Variants in FGF3 observed in about 807,000 individuals in gnomAD.
FGF3 encodes fibroblast growth factor 3, also known as FGF-3.
FGF3 carries 7 observed loss-of-function variants against 9.8 expected under a neutral mutation model. The ratio of observed to expected loss-of-function variants is 0.72; its 90% CI spans 0.41 to 1.35. FGF3 has a LOEUF of 1.35. FGF3 is among the 40% of genes most tolerant of loss of function. The probability of loss-of-function intolerance (pLI) is 0.01; values close to 1 mark genes in which losing one functional copy is unlikely to be tolerated. For missense variants in FGF3, 390 were observed against 345.6 expected (o/e 1.13, Z -1.02); for synonymous variants, 173 against 157.2 (o/e 1.10, Z -0.75).
rs529742370 is a variant in FGF3, at chr11:69,810,033, C to T, written c.*272G>A. 8.9e-6 allele frequency: 4 copies of T among 449,592 alleles called. No individual in the cohort carries two copies. The East Asian group carries it at 1.4e-4, about 15-fold the overall frequency. The allele number at this position is 449,592 out of a possible 1,614,324, so 27.9% of individuals were successfully genotyped here. A position where few individuals can be genotyped will look rare whatever the true frequency, so the allele number is the denominator to read the frequency against. On this transcript the variant is annotated 3_prime_UTR_variant, in exon 3 of 3. Coordinates refer to ENST00000334134, the MANE Select transcript of FGF3 (RefSeq NM_005247.4). ...ACACTGCCCCGCTGCTCCTGGGAGG[C>T]TCCTCAGTCTGCCAGGGCTGGCACT...
intron 2 of FGF3, among the ~76,000 whole-genome samples, chr11:69,812,401 G>A (rs782695143): frequency 6.6e-6 from 1 of 152,102 alleles, no homozygotes; most frequent in Non-Finnish European, 1.5e-5. Context: ...TGACCTGGTG[G>A]TAGGGGCTGC....
At chr11:69,813,143 G>A (rs368595306) in intron 2 of FGF3, among the ~76,000 whole-genome samples, 3 of 152,290 alleles carry the variant, frequency 2.0e-5, no homozygotes, top group Middle Eastern at 3.4e-3. Flanking sequence ...GGAGGAAGCC[G>A]ACTCCGAAGC....
In FGF3 at chr11:69,810,204, A is replaced by T. The variant is rs1590961086; in HGVS notation, c.*101T>A. 1 of 1,158,748 alleles carries T rather than the reference A, an allele frequency of 8.6e-7. No individual in the cohort carries two copies. Among genetic ancestry groups the T allele is most frequent in the Non-Finnish European group, 1.2e-6 (1 of 840,400 alleles). 71.8% of individuals were successfully genotyped at this position (1,158,748 alleles called of 1,614,324 possible). On this transcript the variant is annotated 3_prime_UTR_variant, in exon 3 of 3. Transcript: ENST00000334134. ...GCTCTGGAAATAGCTGAGAACCCAG[A>T]CGCGGGACGCAGGGGCAAGGGCTCA...
chr11:69,814,853 T>G (rs1450244879), intron 2 of FGF3, among the ~76,000 whole-genome samples: 1 of 152,178 alleles, frequency 6.6e-6, no homozygotes, highest in African/African-American at 2.4e-5. Flanking sequence ...AAGCCCCAGG[T>G]GGGCTCTGAA....
At chr11:69,814,288 G>C (rs552212695) in intron 2 of FGF3, among the ~76,000 whole-genome samples, 1 of 152,046 alleles carries the variant, frequency 6.6e-6, no homozygotes, top group African/African-American at 2.4e-5. Flanking sequence ...GGGCTGAAGA[G>C]ATGCAGGGGC....
At chr11:69,812,908 G>A (rs1856051254) in intron 2 of FGF3, among the ~76,000 whole-genome samples, 1 of 152,174 alleles carries the variant, frequency 6.6e-6, no homozygotes, top group Non-Finnish European at 1.5e-5. Flanking sequence ...TGGGAGATTG[G>A]GGGCAGTGTA....
chr11:69,819,038 G>A lies in FGF3; in HGVS notation c.-105C>T. 3 of 685,724 alleles carry A rather than the reference G, an allele frequency of 4.4e-6. No individual in the cohort carries two copies. The highest frequency in any genetic ancestry group is 2.5e-5 in the South Asian group (1 of 39,640). The allele number at this position is 685,724 out of a possible 1,614,324, so 42.5% of individuals were successfully genotyped here. A position where few individuals can be genotyped will look rare whatever the true frequency, so the allele number is the denominator to read the frequency against. ...TGCGAGGTGCTCGGAGCGGGATCCC[G>A]CGCCTGGAGATGCTGACTCCGGCTT... On this transcript the variant is annotated 5_prime_UTR_variant, in exon 1 of 3. Coordinates refer to ENST00000334134, the MANE Select transcript of FGF3 (RefSeq NM_005247.4).
rs781906467 is a variant in FGF3, at chr11:69,810,401, G to T, written c.624C>A (p.Pro208=). The stretch of plus-strand genomic sequence containing the variant: ...GGCTCTGCTTCTGCCGCCGCCGTCG[G>T]GGCTGGACCCCCTTACCAGGGGGTC... ...LPRPPGKGVQ[P]RRRRQKQSPD... The change falls in exon 3 of 3, where the codon CCC becomes CCA. Residue 208 remains proline (P), a synonymous_variant. Transcript: ENST00000334134. 1 of 1,567,436 alleles carries T rather than the reference G, an allele frequency of 6.4e-7. No homozygotes were observed. Among genetic ancestry groups the T allele is most frequent in the Non-Finnish European group, 8.7e-7 (1 of 1,152,678 alleles).
chr11:69,810,692 G>A lies in FGF3; in HGVS notation c.333C>T (p.Tyr111=), dbSNP rs782520982. 77 of 1,585,368 alleles carry A rather than the reference G, an allele frequency of 4.9e-5. No homozygotes were observed. Among genetic ancestry groups the A allele is most frequent in the Non-Finnish European group, 6.5e-5 (75 of 1,162,324 alleles). The change falls in exon 3 of 3, where the codon TAC becomes TAT. Residue 111 remains tyrosine, a synonymous_variant. Coordinates refer to ENST00000334134, the MANE Select transcript of FGF3 (RefSeq NM_005247.4). ...GCTCCACAAACTCGCACTCGGCGCT[G>A]TAGTGCTCCTGCGGGGATGAGATAT... ...KRGRLYASEH[Y]SAECEFVERI...
At position 69,810,488 on chromosome 11, in the gene FGF3, C is replaced by T. The variant is rs2119904927; in HGVS notation, c.537G>A (p.Leu179=). The change falls in exon 3 of 3, where the codon CTG becomes CTA. Residue 179 remains leucine (L), a synonymous_variant. Transcript: ENST00000334134. ...TRRTQKSSLF[L]PRVLDHRDHE... ...GGTCCCTGTGGTCCAGCACGCGGGG[C>T]AGGAACAGGGAGGACTTCTGTGTGC... The T allele has an allele frequency of 1.2e-6, 2 of 1,608,836 alleles. No homozygotes were observed. The highest frequency in any genetic ancestry group is 8.5e-7 in the Non-Finnish European group (1 of 1,177,976).
Position 69,816,205 on chromosome 11 carries a change from G to A in FGF3, c.324+115C>T, listed in dbSNP as rs3926882. The A allele has an allele frequency of 0.33, 280,523 of 845,446 alleles. 48,091 individuals are homozygous for A. Among genetic ancestry groups the A allele is most frequent in the East Asian group, 0.42 (17,174 of 40,880 alleles). 52.4% of individuals were successfully genotyped at this position (845,446 alleles called of 1,614,324 possible). A position where few individuals can be genotyped will look rare whatever the true frequency, so the allele number is the denominator to read the frequency against. On this transcript the variant is annotated intron_variant, in intron 2 of 2. Transcript: ENST00000334134. ...GGGCCAGGGTCTGGTCCTAGCTTGG[G>A]TCCCGTGTACCCTTGGCAAAGCATT...
intron 2 of FGF3, among the ~76,000 whole-genome samples, chr11:69,814,208 AG>A (rs1856091083): frequency 6.6e-6 from 1 of 152,076 alleles, no homozygotes; most frequent in South Asian, 2.1e-4. Context: ...GCAGTGATCC[AG>A]GTGGGAAGTG....
Position 69,810,551 on chromosome 11 carries a change from G to A in FGF3, c.474C>T (p.Asn158=), listed in dbSNP as rs1856009325. 4 of 1,612,800 alleles carry A rather than the reference G, an allele frequency of 2.5e-6. No individual in the cohort carries two copies. Among genetic ancestry groups the A allele is most frequent in the Non-Finnish European group, 3.4e-6 (4 of 1,179,760 alleles). ...AGCCCCTGCGGGGCCGGCCCTTGCC[G>A]TTCACAGACACGTACCACAGTCTCT... is the stretch of plus-strand genomic sequence containing the variant. ...SAERLWYVSV[N]GKGRPRRGFK... Residue 158 remains asparagine (N), a synonymous_variant, in exon 3 of 3, where the codon AAC becomes AAT. Transcript: ENST00000334134.
chr11:69,810,769 T>G, intron 2 of FGF3, 69 bp from the exon 3 acceptor site: 1 of 1,408,476 alleles, frequency 7.1e-7, no homozygotes, highest in Non-Finnish European at 9.5e-7. Flanking sequence ...CAGGGTTGCC[T>G]GATGCCTCCC....
At chr11:69,818,331 G>A (rs1554981317) in intron 1 of FGF3, among the ~76,000 whole-genome samples, 1 of 152,188 alleles carries the variant, frequency 6.6e-6, no homozygotes, top group Non-Finnish European at 1.5e-5. Flanking sequence ...AAACTTGTCA[G>A]AGCTGCCCAA....
chr11:69,813,502 C>T (rs1194375453), intron 2 of FGF3, among the ~76,000 whole-genome samples: 2 of 151,658 alleles, frequency 1.3e-5, no homozygotes, highest in Non-Finnish European at 2.9e-5. Flanking sequence ...TGGTAAGTGC[C>T]CAGGACACTG....
At chr11:69,817,853 G>C (rs1452647621) in intron 1 of FGF3, among the ~76,000 whole-genome samples, 1 of 152,192 alleles carries the variant, frequency 6.6e-6, no homozygotes, top group Non-Finnish European at 1.5e-5. Context: ...GGCTCGGCGC[G>C]GGCCTCAGGT....
Position 69,818,828 on chromosome 11 carries a change from A to T in FGF3, c.106T>A (p.Tyr36Asn). Residue 36 changes from tyrosine (Y) to asparagine (N), a missense_variant, in exon 1 of 3, where the codon TAC becomes AAC. Coordinates refer to ENST00000334134, the MANE Select transcript of FGF3 (RefSeq NM_005247.4). ...RRDAGGRGGV[Y>N]EHLGGAPRRR... ...CGGGGCGCCCCGCCAAGGTGCTCGT[A>T]GACGCCGCCACGGCCGCCCGCATCG... 1 of 1,484,158 alleles carries T rather than the reference A, an allele frequency of 6.7e-7. No homozygotes were observed. The highest frequency in any genetic ancestry group is 8.9e-7 in the Non-Finnish European group (1 of 1,123,916). The allele number at this position is 1,484,158 out of a possible 1,614,324, so 91.9% of individuals were successfully genotyped here. A position where few individuals can be genotyped will look rare whatever the true frequency, so the allele number is the denominator to read the frequency against.
Position 69,810,608 on chromosome 11 carries a change from A to T in FGF3, c.417T>A (p.Ser139Arg). ...TGGGCTGCCGGCGGGCCCCAGGCGT[A>T]CTAGACACCGTCCGGTACAGCCGGG... Reference protein sequence around the residue: ...YASRLYRTVSSTPGARRQPSA... With the variant: ...YASRLYRTVSRTPGARRQPSA... The change falls in exon 3 of 3, where the codon AGT becomes AGA. Residue 139 changes from serine to arginine, a missense_variant. Coordinates refer to ENST00000334134, the MANE Select transcript of FGF3 (RefSeq NM_005247.4). The T allele has an allele frequency of 6.2e-7, 1 of 1,610,594 alleles. No individual in the cohort carries two copies. The highest frequency in any genetic ancestry group is 1.1e-5 in the South Asian group (1 of 90,910).
Sources: gnomAD v4.1 joint callset for allele counts (sites outside exome capture counted in the v4.1 genomes callset) on GRCh38, gnomAD v4.1.1 for gene constraint, MANE v1.5 for transcripts, NCBI Gene and HGNC (gene_info 2026-07-23, HGNC 2026-07-21) for gene names.